The following CELF2 variants were observed in gnomAD, a reference collection of about 807,000 sequenced individuals.
CELF2 encodes the protein CUGBP Elav-like family member 2, also known as CUG triplet repeat RNA-binding protein 2.
Under a neutral mutation model 62.6 loss-of-function variants are expected in CELF2, and 8 were observed. The ratio of observed to expected loss-of-function variants is 0.13; its 90% CI spans 0.07 to 0.23. CELF2 has a LOEUF of 0.23. Among genes scored for constraint, CELF2 ranks in the 10% least tolerant of loss-of-function variants. The probability of loss-of-function intolerance (pLI) is 1.00; values close to 1 mark genes in which losing one functional copy is unlikely to be tolerated. For synonymous variants in CELF2, 258 were observed against 250.0 expected (o/e 1.03, Z -0.30); for missense variants, 333 against 671.0 (o/e 0.50, Z 5.56).
intron 1 of CELF2, among the ~76,000 whole-genome samples, chr10:10,863,807 A>C (rs1175722464): frequency 6.6e-6 from 1 of 152,170 alleles, no homozygotes; most frequent in Non-Finnish European, 1.5e-5. Context: ...GAAAAACAGA[A>C]CTTACCCTCT....
chr10:10,635,006 C>T, the CELF2 span, among the ~76,000 whole-genome samples: 1 of 152,270 alleles, frequency 6.6e-6, no homozygotes, highest in Non-Finnish European at 1.5e-5. Context: ...TCCCTGGAGG[C>T]CACACAGCAG....
At chr10:11,164,611 G>A (rs564511052) in intron 1 of CELF2, among the ~76,000 whole-genome samples, 1 of 151,450 alleles carries the variant, frequency 6.6e-6, no homozygotes, top group Non-Finnish European at 1.5e-5. Flanking sequence ...TGGAGTGTGA[G>A]AGATTTGAAA....
At chr10:10,954,574 AT>A (rs1453878868) in intron 2 of CELF2, among the ~76,000 whole-genome samples, 1 of 152,174 alleles carries the variant, frequency 6.6e-6, no homozygotes, top group Admixed American at 6.5e-5. Flanking sequence ...AAAATGTCAA[AT>A]GTACCATTTT....
At position 10,972,078 on chromosome 10, in the gene CELF2, G is replaced by A. The variant is rs1306584207; in HGVS notation, c.89+52079G>A. Among the ~76,000 whole-genome samples the A allele has an allele frequency of 6.6e-6, 1 of 152,120 alleles. No individual in the cohort carries two copies. The highest frequency in any genetic ancestry group is 6.5e-5 in the Admixed American group (1 of 15,278). ...CTACTCCACTGAAACAATATTGGTTGATAGAGGTAATCAATGTCTTGGCAA... is the reference window on the plus strand; with the variant it reads ...CTACTCCACTGAAACAATATTGGTTAATAGAGGTAATCAATGTCTTGGCAA... On this transcript the variant is annotated intron_variant, in intron 2 of 13. Transcript: ENST00000636488. The surrounding 1 kb of genome is among the most constrained non-coding windows in gnomAD (Gnocchi z 4.4).
In CELF2 at chr10:11,075,598, C is replaced by T. The variant is rs1332648209; in HGVS notation, c.74+57435C>T. On this transcript the variant is annotated intron_variant, in intron 1 of 12. Transcript: ENST00000633077. The surrounding 1 kb of genome is among the most constrained non-coding windows in gnomAD (Gnocchi z 5.4). ...TAAGTGGATTATTGCTGTGAACATA[C>T]GTATGGACTTAAATGTCCAGGGTCT... Among the ~76,000 whole-genome samples the T allele has an allele frequency of 6.6e-6, 1 of 152,100 alleles. No homozygotes were observed. Among genetic ancestry groups the T allele is most frequent in the Non-Finnish European group, 1.5e-5 (1 of 68,012 alleles).
Position 11,188,309 on chromosome 10 carries a change from TAGTC to T in CELF2, c.271+22630_271+22633del, listed in dbSNP as rs556209522. ...TAGTAGAGATGGGGTTTCTCCATGTTAGTCAGGGTGGTATCGAACTCCCAACCTC... is the reference window on the plus strand; with the variant it reads ...TAGTAGAGATGGGGTTTCTCCATGTTAGGGTGGTATCGAACTCCCAACCTC... On this transcript the variant is annotated intron_variant, in intron 2 of 12. Coordinates refer to ENST00000633077, the MANE Select transcript of CELF2 (RefSeq NM_001326342.2). Among the ~76,000 whole-genome samples, 341 of 152,320 alleles carry T rather than the reference TAGTC, an allele frequency of 2.2e-3. 1 individual carries two copies. Among genetic ancestry groups the T allele is most frequent in the Non-Finnish European group, 4.0e-3 (271 of 68,026 alleles).
chr10:10,647,825 A>C, the CELF2 span, among the ~76,000 whole-genome samples: 1 of 152,320 alleles, frequency 6.6e-6, no homozygotes, highest in Middle Eastern at 3.4e-3. Context: ...TTCCAAAAAG[A>C]TTCCATGGGC....
chr10:10,512,552 C>T, the CELF2 span, among the ~76,000 whole-genome samples: 8 of 151,910 alleles, frequency 5.3e-5, no homozygotes, highest in Non-Finnish European at 1.0e-4. Flanking sequence ...CCTGAGATTA[C>T]AGGCATGCGC....
chr10:11,171,148 G>A (rs2068738213), intron 2 of CELF2: 1 of 152,226 alleles, frequency 6.6e-6, no homozygotes, highest in African/African-American at 2.4e-5. Flanking sequence ...CTTGCAGTAT[G>A]TTGGGAGGTC....
the CELF2 span, among the ~76,000 whole-genome samples, chr10:10,750,054 C>T: frequency 2.6e-5 from 4 of 152,120 alleles, no homozygotes; most frequent in African/African-American, 4.8e-5. Flanking sequence ...GAGGCCAAGG[C>T]GGGTGGATCA....
At chr10:10,895,451 C>T (rs1342979010) in intron 1 of CELF2, among the ~76,000 whole-genome samples, 1 of 151,948 alleles carries the variant, frequency 6.6e-6, no homozygotes, top group African/African-American at 2.4e-5. Flanking sequence ...TTGCTCATAG[C>T]AAAATGAAAG....
At chr10:10,518,504 T>G in the CELF2 span, among the ~76,000 whole-genome samples, 371 of 152,334 alleles carry the variant, frequency 2.4e-3, no homozygotes, top group Non-Finnish European at 3.7e-3. Context: ...AATGGGATCT[T>G]TAGTATTATG....
the CELF2 span, among the ~76,000 whole-genome samples, chr10:10,658,484 C>T: frequency 5.9e-5 from 9 of 152,282 alleles, no homozygotes; most frequent in Admixed American, 4.6e-4. Context: ...CAACATAAAT[C>T]TATACATGCT....
the CELF2 span, among the ~76,000 whole-genome samples, chr10:10,769,691 GA>G: frequency 6.6e-6 from 1 of 152,164 alleles, no homozygotes; most frequent in South Asian, 2.1e-4. Context: ...TTGAACCCAG[GA>G]GGCGGAGGTT....
rs3054364 is a variant in CELF2 at position 11,103,487 on chromosome 10, A to ATTTTTTTTTTTTTTTTTTTTTTTTTT, written c.75-61979_75-61978insTTTTTTTTTTTTTTTTTTTTTTTTTT. Among the ~76,000 whole-genome samples the ATTTTTTTTTTTTTTTTTTTTTTTTTT allele has an allele frequency of 1.5e-4, 18 of 119,734 alleles. 2 individuals carry two copies. Among genetic ancestry groups the ATTTTTTTTTTTTTTTTTTTTTTTTTT allele is most frequent in the African/African-American group, 4.9e-4 (14 of 28,574 alleles). 78.6% of individuals were successfully genotyped at this position (119,734 alleles called of 152,430 possible). On this transcript the variant is annotated intron_variant, in intron 1 of 12. Coordinates refer to ENST00000633077, the MANE Select transcript of CELF2 (RefSeq NM_001326342.2). ...CGGATAAACCTGTGTTTGTAGCCTG[A>ATTTTTTTTTTTTTTTTTTTTTTTTTT]TTTTTTTTTTTTTTTTTTTTACTGT...
the CELF2 span, among the ~76,000 whole-genome samples, chr10:10,536,889 G>A: frequency 1.3e-5 from 2 of 152,242 alleles, no homozygotes; most frequent in Non-Finnish European, 2.9e-5. Flanking sequence ...TGACAGATGG[G>A]ATCTTGTGGA....
chr10:11,184,612 C>T (rs2074337939), intron 2 of CELF2, among the ~76,000 whole-genome samples: 1 of 152,222 alleles, frequency 6.6e-6, no homozygotes, highest in African/African-American at 2.4e-5. Flanking sequence ...CAGGACCTTG[C>T]ATATCCCTAG....
At chr10:10,630,539 A>G in the CELF2 span, among the ~76,000 whole-genome samples, 1 of 152,204 alleles carries the variant, frequency 6.6e-6, no homozygotes, top group Non-Finnish European at 1.5e-5. Flanking sequence ...TCTAGTGACT[A>G]CAGTTGAAAC....
chr10:11,105,762 G>T (rs1299297206), intron 1 of CELF2, among the ~76,000 whole-genome samples: 1 of 152,172 alleles, frequency 6.6e-6, no homozygotes, highest in Admixed American at 6.5e-5. Context: ...TCTGCTCTGG[G>T]ATCCTGTGCT....
Sources: gnomAD v4.1 joint callset for allele counts (sites outside exome capture counted in the v4.1 genomes callset) on GRCh38, gnomAD v4.1.1 for gene constraint, Gnocchi (gnomAD v3.1) non-coding constraint, MANE v1.5 for transcripts, NCBI Gene and HGNC (gene_info 2026-07-23, HGNC 2026-07-21) for gene names.